SYNJ2: variants seen among roughly 807,000 people sequenced by gnomAD.
SYNJ2 encodes the protein polyphosphatidylinositol phosphatase SYNJ2.
A neutral mutation model predicts 141.3 loss-of-function variants in SYNJ2; 116 were observed. The ratio of observed to expected loss-of-function variants is 0.82; its 90% CI spans 0.71 to 0.96. The LOEUF (loss-of-function observed/expected upper bound fraction) is 0.96, where lower values mean the gene tolerates loss of function less well. Ranked by LOEUF, SYNJ2 falls within the 40% of genes least tolerant of loss-of-function variation. The probability of loss-of-function intolerance (pLI) is 0.00; values close to 1 mark genes in which losing one functional copy is unlikely to be tolerated. For missense variants in SYNJ2, 1,873 were observed against 1,934.8 expected (o/e 0.97, Z 0.60); for synonymous variants, 745 against 777.7 (o/e 0.96, Z 0.70).
intron 25 of SYNJ2, among the ~76,000 whole-genome samples, chr6:158,092,479 A>G (rs1193247141): frequency 6.6e-6 from 1 of 152,184 alleles, no homozygotes; most frequent in Non-Finnish European, 1.5e-5. Context: ...TCTCTCTACA[A>G]AAATTTTAAA....
In SYNJ2 at chr6:158,069,552, T is replaced by G; in HGVS notation, c.1819T>G (p.Trp607Gly). 1 of 1,613,446 alleles carries G rather than the reference T, an allele frequency of 6.2e-7. No individual in the cohort carries two copies. Among genetic ancestry groups the G allele is most frequent in the Non-Finnish European group, 8.5e-7 (1 of 1,179,576 alleles). Residue 607 changes from tryptophan to glycine, a missense_variant, in exon 14 of 27, where the codon TGG (tryptophan) becomes GGG (glycine). Coordinates refer to ENST00000355585, the MANE Select transcript of SYNJ2 (RefSeq NM_003898.4). ...TTCCAGTACTACCAACAAGAAGATGTGGGGTGAACAGCTTCAGAAAGCCAT... is the reference window on the plus strand; with the variant it reads ...TTCCAGTACTACCAACAAGAAGATGGGGGGTGAACAGCTTCAGAAAGCCAT... ...VNASTTNKKMWGEQLQKAISR... is the reference protein window; with the variant it reads ...VNASTTNKKMGGEQLQKAISR...
chr6:157,999,679 G>A (rs948259822), intron 1 of SYNJ2, among the ~76,000 whole-genome samples: 1 of 152,192 alleles, frequency 6.6e-6, no homozygotes, highest in Non-Finnish European at 1.5e-5. Context: ...CAGAAATTGG[G>A]GCAGGTGGTG....
chr6:158,043,496 C>A lies in SYNJ2; in HGVS notation c.795+97C>A. On this transcript the variant is annotated intron_variant, in intron 5 of 26. Coordinates refer to ENST00000355585, the MANE Select transcript of SYNJ2 (RefSeq NM_003898.4). The surrounding 1 kb of genome is among the most constrained non-coding windows in gnomAD (Gnocchi z 4.0). ...AAGATTTCTTTTAACACGTTCGTTTCATGGCATAGTTTCCAGTCTTTTTCC... is the reference window on the plus strand; with the variant it reads ...AAGATTTCTTTTAACACGTTCGTTTAATGGCATAGTTTCCAGTCTTTTTCC... The A allele has an allele frequency of 1.2e-6, 1 of 858,188 alleles. No individual in the cohort carries two copies. 53.2% of individuals were successfully genotyped at this position (858,188 alleles called of 1,614,324 possible).
intron 4 of SYNJ2, among the ~76,000 whole-genome samples, chr6:158,035,705 G>A (rs1170009672): frequency 1.3e-5 from 2 of 152,138 alleles, no homozygotes; most frequent in Non-Finnish European, 2.9e-5. Context: ...TTAAATAGGA[G>A]TGATGAGAGA....
chr6:158,016,502 T>C (rs1583320778), intron 1 of SYNJ2, among the ~76,000 whole-genome samples: 1 of 152,308 alleles, frequency 6.6e-6, no homozygotes, highest in Non-Finnish European at 1.5e-5. Flanking sequence ...TCTTTGTATT[T>C]TGTTCTGTGC....
At chr6:158,086,636 C>G (rs1248073351) in intron 22 of SYNJ2, among the ~76,000 whole-genome samples, 1 of 152,200 alleles carries the variant, frequency 6.6e-6, no homozygotes, top group Non-Finnish European at 1.5e-5. Flanking sequence ...CTGAGAAATA[C>G]CCATTATCCA....
chr6:158,047,750 C>A (rs1393001545), intron 5 of SYNJ2, among the ~76,000 whole-genome samples: 1 of 109,278 alleles, frequency 9.2e-6, no homozygotes, highest in Non-Finnish European at 1.7e-5. Flanking sequence ...ACACTCTAGC[C>A]TGGTCAACAG....
At position 158,096,495 on chromosome 6, in the gene SYNJ2, G is replaced by C; in HGVS notation, c.*131G>C. On this transcript the variant is annotated 3_prime_UTR_variant, in exon 27 of 27. Transcript: ENST00000355585. ...TTTGTGCATCTGTCACTCTCGTGTA[G>C]TTTACAAAAATCGTGTCTCTTATTC... 9.0e-7 allele frequency: 1 copy of C among 1,113,310 alleles called. No homozygotes were observed. Among genetic ancestry groups the C allele is most frequent in the East Asian group, 2.6e-5 (1 of 38,888 alleles). The allele number at this position is 1,113,310 out of a possible 1,614,324, so 69.0% of individuals were successfully genotyped here.
intron 22 of SYNJ2, among the ~76,000 whole-genome samples, chr6:158,085,512 G>A (rs1183772615): frequency 6.6e-6 from 1 of 152,132 alleles, no homozygotes; most frequent in Non-Finnish European, 1.5e-5. Flanking sequence ...CCACGCATTG[G>A]GCCCATTGAG....
intron 8 of SYNJ2, 100 bp from the exon 9 acceptor site, chr6:158,063,691 T>C (rs1410524994): frequency 2.8e-6 from 1 of 357,644 alleles, no homozygotes; most frequent in Non-Finnish European, 5.2e-6. Flanking sequence ...AAAAAAACCA[T>C]GTTTCCTTGG....
chr6:158,076,258 A>T (rs1712087131), intron 16 of SYNJ2, among the ~76,000 whole-genome samples: 1 of 152,188 alleles, frequency 6.6e-6, no homozygotes, highest in Non-Finnish European at 1.5e-5. Context: ...ACAAACATAG[A>T]TGAAGGCCTC....
chr6:158,041,189 C>T (rs1304399623), intron 4 of SYNJ2, among the ~76,000 whole-genome samples: 2 of 152,124 alleles, frequency 1.3e-5, no homozygotes, highest in Admixed American at 6.5e-5. Context: ...CCCAGGGCCA[C>T]CCTGCTGGGC....
At chr6:157,999,264 C>G (rs112046617) in intron 1 of SYNJ2, among the ~76,000 whole-genome samples, 3 of 152,218 alleles carry the variant, frequency 2.0e-5, no homozygotes, top group Admixed American at 2.0e-4. Flanking sequence ...CTGCTTGCCC[C>G]GTCTCCAGCC....
intron 1 of SYNJ2, among the ~76,000 whole-genome samples, chr6:157,990,350 C>T (rs569034398): frequency 4.6e-5 from 7 of 152,294 alleles, no homozygotes; most frequent in African/African-American, 9.6e-5. Flanking sequence ...TTCTCCTTGG[C>T]GTGCCCCAAG....
At chr6:158,008,953 C>T (rs1272605989) in intron 1 of SYNJ2, among the ~76,000 whole-genome samples, 1 of 152,242 alleles carries the variant, frequency 6.6e-6, no homozygotes, top group Non-Finnish European at 1.5e-5. Flanking sequence ...ACGCCACTTC[C>T]TCCATGAACC....
At chr6:157,996,495 G>T (rs149882182) in intron 1 of SYNJ2, among the ~76,000 whole-genome samples, 1 of 152,156 alleles carries the variant, frequency 6.6e-6, no homozygotes, top group African/African-American at 2.4e-5. Context: ...CATTTCCTGG[G>T]CTCACTGCAT....
Position 158,043,180 on chromosome 6 carries a change from A to G in SYNJ2, c.712-136A>G. 1.5e-6 allele frequency: 1 copy of G among 683,714 alleles called. No individual in the cohort carries two copies. The highest frequency in any genetic ancestry group is 2.5e-6 in the Non-Finnish European group (1 of 395,962). 42.4% of individuals were successfully genotyped at this position (683,714 alleles called of 1,614,324 possible). ...AGGGCGCATTGCCGGATGGGGGAGC[A>G]GAGGACGCCGGAGTCCACCGTCCGC... is the stretch of plus-strand genomic sequence containing the variant. On this transcript the variant is annotated intron_variant, in intron 4 of 26. Transcript: ENST00000355585. This position sits in a 1 kb window ranked among gnomAD's most constrained non-coding sequence, Gnocchi z 4.0.
rs1397384795 is a variant in SYNJ2 at position 158,088,644 on chromosome 6, T to G, written c.3344-16T>G. The stretch of plus-strand genomic sequence containing the variant: ...CTTCACTGAGATTGAGACTCTGCCC[T>G]CGTTGGTTTTTACAGCCGGTTTAAT... On this transcript the variant is annotated splice_polypyrimidine_tract_variant and intron_variant, in intron 23 of 26. Coordinates refer to ENST00000355585, the MANE Select transcript of SYNJ2 (RefSeq NM_003898.4). 1 of 1,604,614 alleles carries G rather than the reference T, an allele frequency of 6.2e-7. No individual in the cohort carries two copies. The highest frequency in any genetic ancestry group is 2.2e-5 in the East Asian group (1 of 44,836).
intron 26 of SYNJ2, chr6:158,093,755 C>A (rs1010637782): frequency 4.6e-6 from 3 of 654,158 alleles, no homozygotes; most frequent in Non-Finnish European, 5.5e-6. Context: ...TGCGTGTGGT[C>A]TGTGTTGTGT....
Sources: allele counts gnomAD v4.1 joint callset (sites outside exome capture counted in the v4.1 genomes callset), GRCh38; gene constraint gnomAD v4.1.1; non-coding constraint Gnocchi (gnomAD v3.1); transcripts MANE v1.5; gene names NCBI Gene and HGNC (gene_info 2026-07-23, HGNC 2026-07-21).